Variants in GSE1 observed in about 807,000 individuals in gnomAD.
GSE1 encodes the protein genetic suppressor element 1.
Under a neutral mutation model 112.6 loss-of-function variants are expected in GSE1, and 32 were observed. The observed-to-expected ratio is 0.28, with a 90% CI of 0.21 to 0.38. The LOEUF is 0.38. GSE1 is among the 10% of genes least tolerant of loss of function. The probability of loss-of-function intolerance (pLI) is 1.00; values close to 1 mark genes in which losing one functional copy is unlikely to be tolerated. For missense variants in GSE1, 2,348 were observed against 1,699.2 expected, an observed-to-expected ratio of 1.38 and a Z score of -6.71; for synonymous variants, 1,115 against 735.6, an observed-to-expected ratio of 1.52 and a Z score of -8.35.
chr16:85,450,116 A>ATTTTTT (rs2049632011), intron 2 of GSE1, among the ~76,000 whole-genome samples: 2 of 14,006 alleles, frequency 1.4e-4, no homozygotes, highest in African/African-American at 3.1e-4. Flanking sequence ...TAGGCAGCTG[A>ATTTTTT]CTTTTTTTTT....
intron 1 of GSE1, among the ~76,000 whole-genome samples, chr16:85,276,499 G>T (rs1178016873): frequency 6.6e-6 from 1 of 152,234 alleles, no homozygotes; most frequent in African/African-American, 2.4e-5. Context: ...GAAATGAATG[G>T]AATCGGCTCC....
At chr16:85,473,685 C>T (rs2151850963) in intron 2 of GSE1, among the ~76,000 whole-genome samples, 1 of 152,300 alleles carries the variant, frequency 6.6e-6, no homozygotes, top group Non-Finnish European at 1.5e-5. Flanking sequence ...TTGCAGGAGC[C>T]CTCACTTAAC....
At chr16:85,445,078 A>C (rs2049475845) in intron 2 of GSE1, among the ~76,000 whole-genome samples, 1 of 152,110 alleles carries the variant, frequency 6.6e-6, no homozygotes, top group South Asian at 2.1e-4. Context: ...CTTGCCCTTG[A>C]TCTTCCCTGG....
At chr16:85,639,620 G>A (rs778314884) in intron 2 of GSE1, among the ~76,000 whole-genome samples, 3 of 152,370 alleles carry the variant, frequency 2.0e-5, no homozygotes, top group South Asian at 2.1e-4. Context: ...ACGCCTGTGC[G>A]TGGAGCCAGG....
intron 1 of GSE1, among the ~76,000 whole-genome samples, chr16:85,559,945 G>C (rs1381889338): frequency 3.3e-5 from 5 of 152,124 alleles, no homozygotes; most frequent in Non-Finnish European, 5.9e-5. Context: ...GACAGAGAAA[G>C]TTTGCCCACG....
intron 1 of GSE1, among the ~76,000 whole-genome samples, chr16:85,212,848 C>G (rs2143671728): frequency 6.6e-6 from 1 of 152,296 alleles, no homozygotes; most frequent in East Asian, 1.9e-4. Flanking sequence ...CAAACTGTAG[C>G]TGGGTGTGGT....
chr16:85,186,394 G>A (rs998185307), intron 1 of GSE1, among the ~76,000 whole-genome samples: 1 of 152,088 alleles, frequency 6.6e-6, no homozygotes, highest in Non-Finnish European at 1.5e-5. Context: ...CATGAGGTCA[G>A]AAGATCAAGA....
intron 2 of GSE1, among the ~76,000 whole-genome samples, chr16:85,452,188 G>A (rs1004643165): frequency 5.9e-5 from 9 of 152,172 alleles, no homozygotes; most frequent in East Asian, 5.8e-4. Flanking sequence ...TCGGGGCCCC[G>A]CAATTAAGCC....
At chr16:85,523,027 G>C (rs544042656) in intron 2 of GSE1, among the ~76,000 whole-genome samples, 48 of 152,126 alleles carry the variant, frequency 3.2e-4, no homozygotes, top group Non-Finnish European at 6.2e-4. Context: ...TTGTGTGTAT[G>C]CGTGTGTGTC....
intron 1 of GSE1, among the ~76,000 whole-genome samples, chr16:85,599,555 C>T (rs1270071062): frequency 2.6e-5 from 4 of 152,234 alleles, no homozygotes; most frequent in African/African-American, 7.2e-5. Context: ...ATCTTGGGAT[C>T]TGGCTTCCTG....
Position 85,656,430 on chromosome 16 carries a change from GGAACGTGAGCGC to G in GSE1, c.1083_1094del (p.Arg363_Glu366del). The stretch of plus-strand genomic sequence containing the variant: ...GTGAGGCTGACCGCGAGCGGGAGAA[GGAACGTGAGCGC>G]GAACGCGAGAAGGAGCGCGAGCAAG... On this transcript the variant is annotated inframe_deletion, in exon 7 of 16. Coordinates refer to ENST00000253458, the MANE Select transcript of GSE1 (RefSeq NM_014615.5). 1 of 1,575,738 alleles carries G rather than the reference GGAACGTGAGCGC, an allele frequency of 6.3e-7. No individual in the cohort carries two copies. The highest frequency in any genetic ancestry group is 8.6e-7 in the Non-Finnish European group (1 of 1,157,232).
intron 2 of GSE1, among the ~76,000 whole-genome samples, chr16:85,369,279 G>A (rs1039477782): frequency 5.3e-5 from 8 of 152,002 alleles, no homozygotes; most frequent in African/African-American, 1.5e-4. Flanking sequence ...GCAGTGGCGT[G>A]ATCACGGCTC....
At chr16:85,182,907 G>C (rs545285107) in intron 1 of GSE1, among the ~76,000 whole-genome samples, 1 of 151,768 alleles carries the variant, frequency 6.6e-6, no homozygotes, top group African/African-American at 2.4e-5. Flanking sequence ...TCGCACACAC[G>C]CACCTTGCAC....
At position 85,373,763 on chromosome 16, in the gene GSE1, G is replaced by C. The variant is rs143368409; in HGVS notation, c.2464+16120G>C. Among the ~76,000 whole-genome samples, 8 of 152,092 alleles carry C rather than the reference G, an allele frequency of 5.3e-5. No homozygotes were observed. Among genetic ancestry groups the C allele is most frequent in the Middle Eastern group, 3.2e-3 (1 of 316 alleles). ...GAATGAGCGCTGGCCGCCTTCTCCC[G>C]GCAGGCCTGGGGACCCTGGATCCCC... On this transcript the variant is annotated intron_variant, in intron 2 of 2. Coordinates refer to the GSE1 transcript ENST00000637419. This position sits in a 1 kb window ranked among gnomAD's most constrained non-coding sequence, Gnocchi z 5.1.
intron 1 of GSE1, among the ~76,000 whole-genome samples, chr16:85,631,863 C>T (rs754725263): frequency 6.6e-5 from 10 of 152,258 alleles, no homozygotes; most frequent in Admixed American, 1.3e-4. Context: ...GCGTTTTCAT[C>T]GCCTCCAATG....
rs139145066 is a variant in GSE1 at position 85,438,842 on chromosome 16, G to C, written c.2464+81199G>C. ...AGCTGGGACCAGCCCTCAGGTCTGT[G>C]GGCACTGTCTGTGCAGCTCCCGTAC... On this transcript the variant is annotated intron_variant, in intron 2 of 2. Transcript: ENST00000637419. Among the ~76,000 whole-genome samples the C allele has an allele frequency of 4.0e-3, 602 of 152,292 alleles. 2 individuals carry two copies. Among genetic ancestry groups the C allele is most frequent in the African/African-American group, 0.014 (574 of 41,554 alleles).
chr16:85,640,018 G>C (rs981191017), intron 2 of GSE1, among the ~76,000 whole-genome samples: 1 of 152,186 alleles, frequency 6.6e-6, no homozygotes, highest in African/African-American at 2.4e-5. Context: ...GGAGGCCGGC[G>C]CTTTGGGAAC....
intron 13 of GSE1, 48 bp from the exon 14 acceptor site, chr16:85,668,092 T>C (rs977888950): frequency 2.8e-6 from 4 of 1,448,006 alleles, no homozygotes; most frequent in Non-Finnish European, 3.8e-6. Flanking sequence ...GACAGCACCC[T>C]GTGTCCCTTC....
At chr16:85,416,242 T>G (rs1371595893) in intron 2 of GSE1, among the ~76,000 whole-genome samples, 1 of 152,218 alleles carries the variant, frequency 6.6e-6, no homozygotes, top group Non-Finnish European at 1.5e-5. Flanking sequence ...ATAAATTGCA[T>G]TATTAAATAT....
Sources: gnomAD v4.1 joint callset for allele counts (sites outside exome capture counted in the v4.1 genomes callset) on GRCh38, gnomAD v4.1.1 for gene constraint, Gnocchi (gnomAD v3.1) non-coding constraint, MANE v1.5 for transcripts, NCBI Gene and HGNC (gene_info 2026-07-23, HGNC 2026-07-21) for gene names.